ENSA: variants seen among roughly 807,000 people sequenced by gnomAD.
The protein encoded by ENSA is alpha-endosulfine.
In ENSA, 7 loss-of-function variants were observed where a neutral mutation model predicts 16.8. The ratio of observed to expected loss-of-function variants is 0.42; its 90% confidence interval spans 0.24 to 0.78. The LOEUF is 0.78. ENSA is among the 30% of genes least tolerant of loss of function. ENSA has a pLI of 0.29. For missense variants in ENSA, 87 were observed against 142.3 expected (o/e 0.61, Z 1.98); for synonymous variants, 58 against 53.4 (o/e 1.09, Z -0.37).
chr1:150,622,860 C>A lies in ENSA; in HGVS notation c.351-1G>T. On this transcript the variant is annotated splice_acceptor_variant, in intron 3 of 3. Coordinates refer to ENST00000369014, the MANE Select transcript of ENSA (RefSeq NM_004436.4). LOFTEE classifies it high-confidence loss of function. ...CGGGCAGCATCATTCAACTTGGCCA[C>A]TGCGGACGAACACAGAAGAAAAAAA... 1 of 1,546,444 alleles carries A rather than the reference C, an allele frequency of 6.5e-7. No homozygotes were observed. Among genetic ancestry groups the A allele is most frequent in the Non-Finnish European group, 8.7e-7 (1 of 1,144,776 alleles).
At chr1:150,627,203 G>C in intron 2 of ENSA, 4 of 1,499,384 alleles carry the variant, frequency 2.7e-6, no homozygotes, top group Non-Finnish European at 3.5e-6. Flanking sequence ...CTGCATTTCA[G>C]TTTCTAACAT....
chr1:150,627,556 C>A lies in ENSA; in HGVS notation c.94G>T (p.Ala32Ser). The A allele has an allele frequency of 6.2e-7, 1 of 1,613,686 alleles. No homozygotes were observed. The highest frequency in any genetic ancestry group is 8.5e-7 in the Non-Finnish European group (1 of 1,179,860). The stretch of plus-strand genomic sequence containing the variant: ...TTGGCCTTTAGCTTTGCCTCTTCAG[C>A]TCTCTCAGGCAGAATACCTTCTTTC... ...QEKEGILPER[A>S]EEAKLKAKYP... Residue 32 changes from alanine to serine, a missense_variant, in exon 2 of 4, where the codon GCT becomes TCT. Ala to Ser is a moderately conservative substitution (Grantham distance 99). Transcript: ENST00000369014.
chr1:150,622,972 C>G, intron 3 of ENSA, 113 bp from the exon 4 acceptor site: 1 of 1,341,908 alleles, frequency 7.5e-7, no homozygotes, highest in Non-Finnish European at 1.0e-6. Flanking sequence ...CATTTAACAA[C>G]CATTAGGCTA....
intron 1 of ENSA, among the ~76,000 whole-genome samples, chr1:150,628,562 G>A (rs1391981423): frequency 6.6e-6 from 1 of 151,242 alleles, no homozygotes; most frequent in Non-Finnish European, 1.5e-5. Context: ...TGAAGTCAAC[G>A]TATGACTCTT....
At chr1:150,627,421 C>T (rs780385109) in intron 2 of ENSA, 46 bp downstream of exon 2, 1 of 1,614,228 alleles carries the variant, frequency 6.2e-7, no homozygotes, top group Non-Finnish European at 8.5e-7. Context: ...ATTCGAAGAA[C>T]CTCCTTTAGC....
chr1:150,629,105 T>TCC (rs763517061), intron 1 of ENSA: 1 of 1,613,910 alleles, frequency 6.2e-7, no homozygotes, highest in African/African-American at 1.3e-5. Flanking sequence ...CCACCAGCCA[T>TCC]CCCCTTTCCA....
chr1:150,625,832 GGTGA>G (rs1178812302), intron 2 of ENSA, 24 bp from the exon 3 acceptor site: 28 of 1,568,526 alleles, frequency 1.8e-5, no homozygotes, highest in East Asian at 2.3e-5. Flanking sequence ...GGGAGGTTTA[GGTGA>G]GTGAGGACTC....
rs1025256846 is a variant in ENSA, at chr1:150,622,387, C to A, written c.*457G>T. ...CTTTTATCTGACACCAGGTCTCCAACCACACTGAAACAAGGCATTTATCTA... is the reference window on the plus strand; with the variant it reads ...CTTTTATCTGACACCAGGTCTCCAAACACACTGAAACAAGGCATTTATCTA... On this transcript the variant is annotated 3_prime_UTR_variant, in exon 4 of 4. Transcript: ENST00000369014. 22 of 163,236 alleles carry A rather than the reference C, an allele frequency of 1.3e-4. No homozygotes were observed. The highest frequency in any genetic ancestry group is 5.2e-4 in the African/African-American group (22 of 41,924). 10.1% of individuals were successfully genotyped at this position (163,236 alleles called of 1,614,324 possible).
At chr1:150,623,302 T>A in intron 3 of ENSA, 1 of 991,462 alleles carries the variant, frequency 1.0e-6, no homozygotes, top group Non-Finnish European at 1.2e-6. Context: ...GATTTAATAA[T>A]CTAGGTTTAA....
At chr1:150,626,309 G>C (rs587760972) in intron 2 of ENSA, among the ~76,000 whole-genome samples, 1 of 152,356 alleles carries the variant, frequency 6.6e-6, no homozygotes, top group South Asian at 2.1e-4. Flanking sequence ...CTGTTCATGA[G>C]GATAATGTAT....
Position 150,629,424 on chromosome 1 carries a change from T to C in ENSA, c.47A>G (p.Glu16Gly). The change falls in exon 1 of 4, where the codon GAG becomes GGG. Residue 16 changes from glutamate to glycine, a missense_variant. By Grantham distance (98) the Glu-to-Gly change is moderately conservative (BLOSUM62 -2). Coordinates refer to ENST00000369014, the MANE Select transcript of ENSA (RefSeq NM_004436.4). ...CCCCTTCCACTTCACCTGCTTCTCC[T>C]CGCCGGTCTCCTCCGCAGGGTTCTC... ...EEENPAEETG[E>G]EKQDTQEKEG... 6.2e-7 allele frequency: 1 copy of C among 1,613,736 alleles called. No homozygotes were observed. The highest frequency in any genetic ancestry group is 8.5e-7 in the Non-Finnish European group (1 of 1,179,802).
intron 3 of ENSA, chr1:150,624,770 G>A (rs944940907): frequency 2.0e-6 from 2 of 985,296 alleles, no homozygotes; most frequent in Middle Eastern, 5.2e-4. Context: ...TGAACAGTAT[G>A]GAGTTTTTCT....
At chr1:150,629,192 G>C (rs369514379) in intron 1 of ENSA, 18 of 1,605,076 alleles carry the variant, frequency 1.1e-5, no homozygotes, top group Non-Finnish European at 1.5e-5. Context: ...TTGAGCGGTA[G>C]GCCTATTGGC....
intron 2 of ENSA, 142 bp from the exon 3 acceptor site, chr1:150,625,950 C>G (rs1376402605): frequency 7.4e-7 from 1 of 1,346,822 alleles, no homozygotes; most frequent in African/African-American, 1.5e-5. Flanking sequence ...CTCATGCATA[C>G]ACAGTTTAAC....
intron 2 of ENSA, 105 bp downstream of exon 2, chr1:150,627,362 C>G (rs1649409031): frequency 2.5e-6 from 4 of 1,611,078 alleles, no homozygotes; most frequent in Non-Finnish European, 2.5e-6. Context: ...TACTTCTGTT[C>G]AACAACAAAA....
At position 150,624,142 on chromosome 1, in the gene ENSA, A is replaced by C. The variant is rs1380617560; in HGVS notation, c.351-1283T>G. ...GCCAAGCTGGTGGTAACTAGATTGA[A>C]GATGCTGGTCACCTGCAACCCCTTT... On this transcript the variant is annotated intron_variant, in intron 3 of 3. Transcript: ENST00000369014. 5 of 985,318 alleles carry C rather than the reference A, an allele frequency of 5.1e-6. No homozygotes were observed. In the African/African-American group the frequency reaches 8.7e-5, roughly 17 times the overall value. The allele number at this position is 985,318 out of a possible 1,614,324, so 61.0% of individuals were successfully genotyped here.
intron 3 of ENSA, 182 bp downstream of exon 3, chr1:150,625,460 G>A (rs1161433941): frequency 5.3e-6 from 7 of 1,312,236 alleles, no homozygotes; most frequent in East Asian, 3.0e-5. Flanking sequence ...TCAATCTAAC[G>A]AAATAAATAA....
intron 1 of ENSA, chr1:150,628,970 C>G: frequency 2.9e-6 from 4 of 1,386,920 alleles, no homozygotes; most frequent in Non-Finnish European, 4.1e-6. Context: ...TCCCCTCCCC[C>G]AATACTGGTT....
At position 150,629,523 on chromosome 1, in the gene ENSA, G is replaced by A; in HGVS notation, c.-53C>T. On this transcript the variant is annotated 5_prime_UTR_variant, in exon 1 of 4. Coordinates refer to ENST00000369014, the MANE Select transcript of ENSA (RefSeq NM_004436.4). ...GGGCCCGGGAAGGCAACCGGAGAAG[G>A]GAAGGGGGAGGGGAAACGGGGACAA... is the stretch of plus-strand genomic sequence containing the variant. 6.3e-7 allele frequency: 1 copy of A among 1,594,266 alleles called. No homozygotes were observed. The highest frequency in any genetic ancestry group is 8.5e-7 in the Non-Finnish European group (1 of 1,171,256).
Sources: gnomAD v4.1 joint callset for allele counts (sites outside exome capture counted in the v4.1 genomes callset) on GRCh38, gnomAD v4.1.1 for gene constraint, MANE v1.5 for transcripts, NCBI Gene and HGNC (gene_info 2026-07-23, HGNC 2026-07-21) for gene names.